The following CYP7B1 variants were observed in gnomAD, a reference collection of about 807,000 sequenced individuals.
CYP7B1 encodes the protein cytochrome P450 family 7 subfamily B member 1.
In CYP7B1, 29 loss-of-function variants were observed where a neutral mutation model predicts 42.7. The observed-to-expected ratio is 0.68, with a 90% CI of 0.51 to 0.93. CYP7B1 has a LOEUF of 0.93. Ranked by LOEUF, CYP7B1 falls within the 40% of genes least tolerant of loss-of-function variation. The pLI, the probability that CYP7B1 is intolerant of heterozygous loss-of-function variation, is 0.00. For missense variants in CYP7B1, 655 were observed against 600.5 expected (o/e 1.09, Z -0.95); for synonymous variants, 235 against 218.2 (o/e 1.08, Z -0.68).
chr8:64,774,213 T>G (rs1300891690), intron 1 of CYP7B1, among the ~76,000 whole-genome samples: 2 of 152,246 alleles, frequency 1.3e-5, no homozygotes, highest in African/African-American at 4.8e-5. Flanking sequence ...TAGCATATCA[T>G]GTAATGGAAT....
At chr8:64,755,070 A>G (rs1014463282) in intron 1 of CYP7B1, among the ~76,000 whole-genome samples, 5 of 152,186 alleles carry the variant, frequency 3.3e-5, no homozygotes, top group African/African-American at 1.2e-4. Context: ...CCAGAGGGGA[A>G]ATAAATTGGC....
chr8:64,721,994 A>G (rs778408425), intron 1 of CYP7B1, among the ~76,000 whole-genome samples: 2 of 152,176 alleles, frequency 1.3e-5, no homozygotes, highest in Non-Finnish European at 2.9e-5. Context: ...AATTAACTAT[A>G]AACAATTTAT....
intron 1 of CYP7B1, among the ~76,000 whole-genome samples, chr8:64,746,828 A>C (rs1807650364): frequency 6.6e-6 from 1 of 152,134 alleles, no homozygotes; most frequent in Non-Finnish European, 1.5e-5. Context: ...GGAGATTAAA[A>C]GAACATTTGA....
At position 64,656,742 on chromosome 8, in the gene CYP7B1, G is replaced by C. The variant is rs139796819; in HGVS notation, c.123-32203C>G. Among the ~76,000 whole-genome samples, 4 of 152,308 alleles carry C rather than the reference G, an allele frequency of 2.6e-5. No individual in the cohort carries two copies. In the East Asian group the frequency reaches 7.7e-4, roughly 29 times the overall value. Reference sequence around the variant, plus strand: ...TTGTGCAATCCTTTCAGTTGGTACAGTTTTCATTTCTGAATTCTATTTATT... The same window carrying C: ...TTGTGCAATCCTTTCAGTTGGTACACTTTTCATTTCTGAATTCTATTTATT... On this transcript the variant is annotated intron_variant, in intron 1 of 5. Transcript: ENST00000310193.
chr8:64,686,067 CCCA>C (rs1806633374), intron 1 of CYP7B1, among the ~76,000 whole-genome samples: 2 of 131,220 alleles, frequency 1.5e-5, no homozygotes, highest in Admixed American at 7.3e-5. Flanking sequence ...GGTCAGCCCC[CCCA>C]CCCGGCCAGC....
At position 64,595,116 on chromosome 8, in the gene CYP7B1, G is replaced by A. The variant is rs1470399689; in HGVS notation, c.*1526C>T. Reference sequence around the variant, plus strand: ...GGGCAATATCTTCAAAGTGCTGTGAGGAAATAACTGTCAATCTAGATTTGT... The same window carrying A: ...GGGCAATATCTTCAAAGTGCTGTGAAGAAATAACTGTCAATCTAGATTTGT... On this transcript the variant is annotated 3_prime_UTR_variant, in exon 6 of 6. Transcript: ENST00000310193. Among the ~76,000 whole-genome samples the A allele has an allele frequency of 2.0e-5, 3 of 152,160 alleles. No homozygotes were observed. Among genetic ancestry groups the A allele is most frequent in the Non-Finnish European group, 4.4e-5 (3 of 68,028 alleles).
intron 1 of CYP7B1, among the ~76,000 whole-genome samples, chr8:64,774,887 A>G (rs1337937062): frequency 6.6e-6 from 1 of 152,172 alleles, no homozygotes; most frequent in Non-Finnish European, 1.5e-5. Context: ...TCAAGTAAGT[A>G]AGGGAGCTAG....
chr8:64,769,525 T>G (rs1804181258), intron 1 of CYP7B1, among the ~76,000 whole-genome samples: 2 of 152,204 alleles, frequency 1.3e-5, no homozygotes, highest in African/African-American at 2.4e-5. Flanking sequence ...TATTCCATTT[T>G]TTTCTAAAGA....
chr8:64,688,941 TAAAA>T (rs1806697797), intron 1 of CYP7B1, among the ~76,000 whole-genome samples: 1 of 151,920 alleles, frequency 6.6e-6, no homozygotes, highest in Non-Finnish European at 1.5e-5. Context: ...TATAAATAAA[TAAAA>T]AACAAAAATA....
At chr8:64,690,358 G>A (rs534855032) in intron 1 of CYP7B1, among the ~76,000 whole-genome samples, 2 of 152,164 alleles carry the variant, frequency 1.3e-5, no homozygotes, top group East Asian at 1.9e-4. Flanking sequence ...AGCTGTGATC[G>A]CACCACTGCA....
chr8:64,654,691 C>G (rs1806094913), intron 1 of CYP7B1, among the ~76,000 whole-genome samples: 1 of 151,968 alleles, frequency 6.6e-6, no homozygotes, highest in Non-Finnish European at 1.5e-5. Flanking sequence ...CATATGGAAC[C>G]AAAAAAGAGC....
rs1169825754 is a variant in CYP7B1, at chr8:64,596,101, T to C, written c.*541A>G. On this transcript the variant is annotated 3_prime_UTR_variant, in exon 6 of 6. Coordinates refer to ENST00000310193, the MANE Select transcript of CYP7B1 (RefSeq NM_004820.5). The stretch of plus-strand genomic sequence containing the variant: ...AGTGAAGTTGAAGCATTCAATCTAC[T>C]GTGAAACTCATTTAATGCACACATA... 6.2e-6 allele frequency: 1 copy of C among 161,982 alleles called. No homozygotes were observed. The highest frequency in any genetic ancestry group is 1.4e-5 in the Non-Finnish European group (1 of 70,754). The allele number at this position is 161,982 out of a possible 1,614,324, so 10.0% of individuals were successfully genotyped here. A position where few individuals can be genotyped will look rare whatever the true frequency, so the allele number is the denominator to read the frequency against.
At position 64,594,767 on chromosome 8, in the gene CYP7B1, AC is replaced by A. The variant is rs1190706020; in HGVS notation, c.*1874del. 6.6e-6 allele frequency among the ~76,000 whole-genome samples: 1 copy of A among 152,208 alleles called. No homozygotes were observed. The highest frequency in any genetic ancestry group is 1.5e-5 in the Non-Finnish European group (1 of 68,036). On this transcript the variant is annotated 3_prime_UTR_variant, in exon 6 of 6. Transcript: ENST00000310193. ...ACTGGAAGAGACATCTAAAGAAATT[AC>A]ATGGAGTGTAAGTTAGAGATACAAA... is the stretch of plus-strand genomic sequence containing the variant.
At chr8:64,763,520 T>G (rs1807922016) in intron 1 of CYP7B1, among the ~76,000 whole-genome samples, 1 of 152,234 alleles carries the variant, frequency 6.6e-6, no homozygotes, top group Non-Finnish European at 1.5e-5. Context: ...CACTTTCGCT[T>G]GCTATTCTGT....
intron 1 of CYP7B1, among the ~76,000 whole-genome samples, chr8:64,753,380 C>T (rs1807758586): frequency 6.6e-6 from 1 of 152,214 alleles, no homozygotes; most frequent in South Asian, 2.1e-4. Flanking sequence ...GCTCTCCTTG[C>T]TTTGCAATCC....
intron 1 of CYP7B1, among the ~76,000 whole-genome samples, chr8:64,721,571 A>G (rs1247264026): frequency 6.6e-6 from 1 of 152,170 alleles, no homozygotes; most frequent in Non-Finnish European, 1.5e-5. Context: ...TAAAAGATTA[A>G]TATTTGTGAT....
intron 1 of CYP7B1, among the ~76,000 whole-genome samples, chr8:64,794,466 G>C (rs546159667): frequency 6.6e-6 from 1 of 152,232 alleles, no homozygotes; most frequent in Non-Finnish European, 1.5e-5. Context: ...CACAGTTCTG[G>C]AGCCTGGGAA....
chr8:64,646,295 A>G (rs1030441421), intron 1 of CYP7B1, among the ~76,000 whole-genome samples: 1 of 152,024 alleles, frequency 6.6e-6, no homozygotes, highest in Admixed American at 6.6e-5. Context: ...TTCGCAACCT[A>G]CTCATCTGAC....
At chr8:64,758,839 A>T (rs1012167214) in intron 1 of CYP7B1, among the ~76,000 whole-genome samples, 3 of 152,232 alleles carry the variant, frequency 2.0e-5, no homozygotes, top group Non-Finnish European at 4.4e-5. Context: ...GTTGTATTTC[A>T]AATGAAAAAT....
Sources: allele counts gnomAD v4.1 joint callset (sites outside exome capture counted in the v4.1 genomes callset), GRCh38; gene constraint gnomAD v4.1.1; transcripts MANE v1.5; gene names NCBI Gene and HGNC (gene_info 2026-07-23, HGNC 2026-07-21).